PACRG: variants seen among roughly 807,000 people sequenced by gnomAD.
PACRG encodes parkin coregulated, also known as parkin coregulated gene protein.
PACRG carries 29 observed loss-of-function variants against 29.7 expected under a neutral mutation model. The ratio of observed to expected loss-of-function variants is 0.98; its 90% confidence interval spans 0.73 to 1.33. The LOEUF (loss-of-function observed/expected upper bound fraction) is 1.33, where lower values mean the gene tolerates loss of function less well. PACRG is among the 40% of genes most tolerant of loss of function. The probability of loss-of-function intolerance (pLI) is 0.00; values close to 1 mark genes in which losing one functional copy is unlikely to be tolerated. For synonymous variants in PACRG, 116 were observed against 118.7 expected (o/e 0.98, Z 0.15); for missense variants, 279 against 316.2 (o/e 0.88, Z 0.89).
intron 2 of PACRG, among the ~76,000 whole-genome samples, chr6:163,041,205 C>T (rs768273936): frequency 1.3e-5 from 2 of 151,888 alleles, no homozygotes; most frequent in African/African-American, 2.4e-5. Flanking sequence ...GGCGTGGTGG[C>T]GGGCGCCTGT....
In PACRG at chr6:163,282,049, T is replaced by C. The variant is rs771766560; in HGVS notation, c.614-32778T>C. Among the ~76,000 whole-genome samples the C allele has an allele frequency of 4.6e-5, 7 of 152,140 alleles. No individual in the cohort carries two copies. In the South Asian group the frequency reaches 6.2e-4, roughly 13 times the overall value. On this transcript the variant is annotated intron_variant, in intron 4 of 4. Coordinates refer to ENST00000366888, the MANE Select transcript of PACRG (RefSeq NM_001080379.2). ...TTGAATATTCAGAACTTTTTTAAAA[T>C]TATTGTTTGGGTCACTTGAAAAAAA...
intron 2 of PACRG, among the ~76,000 whole-genome samples, chr6:163,020,279 G>A (rs1449586339): frequency 7.2e-5 from 11 of 152,046 alleles, no homozygotes; most frequent in East Asian, 1.9e-4. Context: ...TGAATACACC[G>A]GTCACCTTGT....
intron 4 of PACRG, among the ~76,000 whole-genome samples, chr6:163,299,606 G>T (rs1784909952): frequency 6.6e-6 from 1 of 152,184 alleles, no homozygotes; most frequent in Non-Finnish European, 1.5e-5. Context: ...CATAGGCCGG[G>T]CACGGTGCTC....
At chr6:162,881,961 T>TTGG (rs369753081) in intron 2 of PACRG, among the ~76,000 whole-genome samples, 1 of 59,954 alleles carries the variant, frequency 1.7e-5, no homozygotes, top group South Asian at 8.1e-4. Flanking sequence ...CAGAGATGGG[T>TTGG]GGGGGGGGGC....
chr6:163,200,321 C>T (rs949120757), intron 4 of PACRG, among the ~76,000 whole-genome samples: 2 of 152,178 alleles, frequency 1.3e-5, no homozygotes, highest in African/African-American at 4.8e-5. Context: ...ACATTGGCAC[C>T]TCCTGAGGAT....
chr6:162,728,823 A>G (rs535227484), intron 1 of PACRG, among the ~76,000 whole-genome samples: 2 of 152,334 alleles, frequency 1.3e-5, no homozygotes, highest in East Asian at 3.9e-4. Context: ...GAAATAATCT[A>G]TAATGAGAAA....
rs530146157 is a variant in PACRG at position 162,851,331 on chromosome 6, T to C, written c.291+37050T>C. Among the ~76,000 whole-genome samples, 18 of 152,238 alleles carry C rather than the reference T, an allele frequency of 1.2e-4. No individual in the cohort carries two copies. The East Asian group carries it at 3.1e-3, about 26-fold the overall frequency. Reference sequence around the variant, plus strand: ...TGCTGTCTCTTCACCCACACTATGATCTCCTTCATTCCCACACACGTTCTC... The same window carrying C: ...TGCTGTCTCTTCACCCACACTATGACCTCCTTCATTCCCACACACGTTCTC... On this transcript the variant is annotated intron_variant, in intron 2 of 4. Transcript: ENST00000366888.
At chr6:163,196,633 TG>T (rs980922813) in intron 4 of PACRG, among the ~76,000 whole-genome samples, 1 of 152,210 alleles carries the variant, frequency 6.6e-6, no homozygotes, top group Non-Finnish European at 1.5e-5. Context: ...ACTTCAGTGA[TG>T]GTTTCTTGAA....
chr6:163,209,362 A>G (rs1781043481), intron 4 of PACRG, among the ~76,000 whole-genome samples: 2 of 152,218 alleles, frequency 1.3e-5, no homozygotes, highest in African/African-American at 4.8e-5. Flanking sequence ...CGAGAAATGG[A>G]TTTGGATGGG....
intron 2 of PACRG, among the ~76,000 whole-genome samples, chr6:162,980,569 T>C (rs758053725): frequency 1.4e-4 from 22 of 152,164 alleles, no homozygotes; most frequent in Non-Finnish European, 2.8e-4. Flanking sequence ...AGTATGTTTT[T>C]ACATTAATAT....
In PACRG at chr6:163,258,883, C is replaced by T. The variant is rs192744069; in HGVS notation, c.614-55944C>T. Among the ~76,000 whole-genome samples the T allele has an allele frequency of 3.3e-4, 51 of 152,256 alleles. 1 individual carries two copies. The highest frequency in any genetic ancestry group is 1.1e-3 in the African/African-American group (47 of 41,552). ...CACTTCTGGCAAAAGCACTAGCTTT[C>T]GGTATCAACATCATTATGATAAAAA... On this transcript the variant is annotated intron_variant, in intron 4 of 4. Transcript: ENST00000366888.
chr6:162,941,332 G>T (rs1798615337), intron 2 of PACRG, among the ~76,000 whole-genome samples: 1 of 152,100 alleles, frequency 6.6e-6, no homozygotes, highest in Non-Finnish European at 1.5e-5. Flanking sequence ...TTTGCGTCTT[G>T]TATCCAGCAC....
intron 4 of PACRG, among the ~76,000 whole-genome samples, chr6:163,306,075 T>C (rs774456749): frequency 6.6e-6 from 1 of 152,188 alleles, no homozygotes; most frequent in Non-Finnish European, 1.5e-5. Flanking sequence ...TTTCACTACA[T>C]TTTCTCACCT....
At chr6:162,905,699 AG>A (rs1795885098) in intron 2 of PACRG, among the ~76,000 whole-genome samples, 1 of 152,212 alleles carries the variant, frequency 6.6e-6, no homozygotes, top group Non-Finnish European at 1.5e-5. Context: ...TTATTTATAT[AG>A]CCATGCACCT....
At chr6:163,152,634 T>C (rs373731215) in intron 4 of PACRG, among the ~76,000 whole-genome samples, 1 of 152,336 alleles carries the variant, frequency 6.6e-6, no homozygotes, top group Non-Finnish European at 1.5e-5. Flanking sequence ...TATCATTGCA[T>C]CTACATTCTA....
intron 2 of PACRG, among the ~76,000 whole-genome samples, chr6:162,816,374 A>G (rs1338003892): frequency 2.0e-5 from 3 of 152,140 alleles, no homozygotes; most frequent in African/African-American, 7.2e-5. Context: ...ATTTTTTGAG[A>G]CGGAGTCTCG....
At chr6:162,811,761 T>C (rs933954906) in intron 1 of PACRG, among the ~76,000 whole-genome samples, 20 of 152,170 alleles carry the variant, frequency 1.3e-4, no homozygotes, top group Admixed American at 2.6e-4. Context: ...TGGAATACCA[T>C]TCACCATTAA....
chr6:163,048,299 A>T (rs1809619607), intron 2 of PACRG, among the ~76,000 whole-genome samples: 1 of 152,210 alleles, frequency 6.6e-6, no homozygotes, highest in Non-Finnish European at 1.5e-5. Flanking sequence ...GAAGTATGGG[A>T]TCTGCTATAG....
chr6:163,264,052 G>C (rs1562346213), intron 4 of PACRG, among the ~76,000 whole-genome samples: 1 of 152,184 alleles, frequency 6.6e-6, no homozygotes, highest in Non-Finnish European at 1.5e-5. Context: ...ACTTGAGGGA[G>C]TTGAGAGTCA....
Sources: allele counts gnomAD v4.1 joint callset (sites outside exome capture counted in the v4.1 genomes callset), GRCh38; gene constraint gnomAD v4.1.1; transcripts MANE v1.5; gene names NCBI Gene and HGNC (gene_info 2026-07-23, HGNC 2026-07-21).